WDR43: variants seen among roughly 807,000 people sequenced by gnomAD.
WDR43 encodes WD repeat-containing protein 43.
WDR43 carries 13 observed loss-of-function variants against 91.4 expected under a neutral mutation model. That is an observed-to-expected ratio of 0.14 (90% CI 0.09 to 0.23). The LOEUF (loss-of-function observed/expected upper bound fraction) is 0.23, where lower values mean the gene tolerates loss of function less well. WDR43 is among the 10% of genes least tolerant of loss of function. The probability of loss-of-function intolerance (pLI) is 1.00; values close to 1 mark genes in which losing one functional copy is unlikely to be tolerated. For synonymous variants in WDR43, 331 were observed against 287.9 expected (o/e 1.15, Z -1.51); for missense variants, 780 against 809.4 (o/e 0.96, Z 0.44).
chr2:28,904,480 A>G (rs1475037273), intron 2 of WDR43, among the ~76,000 whole-genome samples: 4 of 152,228 alleles, frequency 2.6e-5, no homozygotes, highest in African/African-American at 4.8e-5. Context: ...CCAAAAGGGT[A>G]TGCTAGTTTA....
chr2:28,912,602 C>G lies in WDR43; in HGVS notation c.498C>G (p.Gly166=), dbSNP rs6715296. 0.71 allele frequency: 1,145,243 copies of G among 1,612,358 alleles called. 408,690 individuals carry two copies. The highest frequency in any genetic ancestry group is 0.86 in the East Asian group (38,598 of 44,852). The stretch of plus-strand genomic sequence containing the variant: ...CTTCACAATATAGCAAATGGAAAGG[C>G]GACAATAGCAGTGTCAGTTCCCTAT... ...QTCKVKCKWK[G]DNSSVSSLCI... Residue 166 remains glycine, a synonymous_variant, in exon 4 of 18, where the codon GGC becomes GGG. Coordinates refer to ENST00000407426, the MANE Select transcript of WDR43 (RefSeq NM_015131.3).
At chr2:28,912,758 C>A (rs773618253) in intron 4 of WDR43, 48 bp downstream of exon 4, 2 of 1,596,000 alleles carry the variant, frequency 1.3e-6, no homozygotes, top group East Asian at 2.2e-5. Context: ...AGAGTAAACA[C>A]AGAGAAAGGC....
chr2:28,912,891 C>A (rs2148184437), intron 4 of WDR43, among the ~76,000 whole-genome samples, 181 bp downstream of exon 4: 1 of 151,242 alleles, frequency 6.6e-6, no homozygotes, highest in Non-Finnish European at 1.5e-5. Context: ...AGAGACTAGA[C>A]ATGTCTACTT....
chr2:28,910,142 A>T (rs576803850), intron 3 of WDR43, among the ~76,000 whole-genome samples: 1 of 152,170 alleles, frequency 6.6e-6, no homozygotes, highest in Non-Finnish European at 1.5e-5. Flanking sequence ...AAGTTCCCAG[A>T]TCATGCTGAT....
At chr2:28,901,378 A>G (rs555038514) in intron 1 of WDR43, among the ~76,000 whole-genome samples, 17 of 152,214 alleles carry the variant, frequency 1.1e-4, no homozygotes, top group Non-Finnish European at 2.1e-4. Context: ...GAAGTCACTG[A>G]ATCACTGAGC....
Position 28,925,047 on chromosome 2 carries a change from A to G in WDR43, c.980A>G (p.Lys327Arg). The part of the protein sequence containing the change: ...IQIATPGKGK[K>R]STPKPIPILA... ...ATAGCAACACCTGGGAAAGGCAAGA[A>G]GTCAACACCAAAACCCATCCCTATT... The change falls in exon 8 of 18, where the codon AAG becomes AGG. Residue 327 changes from lysine (K) to arginine (R), a missense_variant. Physicochemically the swap from Lys to Arg is conservative, Grantham distance 26. Transcript: ENST00000407426. 1 of 1,613,972 alleles carries G rather than the reference A, an allele frequency of 6.2e-7. No homozygotes were observed. The highest frequency in any genetic ancestry group is 8.5e-7 in the Non-Finnish European group (1 of 1,179,864).
At chr2:28,896,243 G>T (rs1054751157) in intron 1 of WDR43, among the ~76,000 whole-genome samples, 1 of 152,288 alleles carries the variant, frequency 6.6e-6, no homozygotes, top group East Asian at 1.9e-4. Context: ...AGGTAGGTGC[G>T]TGGACCCAAG....
chr2:28,914,304 G>A, intron 5 of WDR43, 96 bp downstream of exon 5: 1 of 1,354,180 alleles, frequency 7.4e-7, no homozygotes, highest in Non-Finnish European at 9.8e-7. Flanking sequence ...TTTATTTGTT[G>A]TATCTAATGT....
chr2:28,940,226 C>G lies in WDR43; in HGVS notation c.1621-1235C>G, dbSNP rs1176707660. ...GTGAGGTGGGGAAGCCAGCGTTGTT[C>G]TTTTTCTTTTTTTTTTTCTTGAGAC... is the stretch of plus-strand genomic sequence containing the variant. On this transcript the variant is annotated intron_variant, in intron 14 of 17. Coordinates refer to ENST00000407426, the MANE Select transcript of WDR43 (RefSeq NM_015131.3). 2.0e-5 allele frequency among the ~76,000 whole-genome samples: 3 copies of G among 148,946 alleles called. No homozygotes were observed. The East Asian group carries it at 6.2e-4, about 31-fold the overall frequency.
intron 6 of WDR43, among the ~76,000 whole-genome samples, chr2:28,920,260 C>G (rs1670999342): frequency 8.0e-6 from 1 of 124,502 alleles, no homozygotes; most frequent in African/African-American, 3.2e-5. Context: ...GAGTCTTGCT[C>G]TGTCACCCAG....
rs1434477236 is a variant in WDR43, at chr2:28,935,625, T to C, written c.1524+18T>C. The C allele has an allele frequency of 5.2e-6, 8 of 1,531,210 alleles. No homozygotes were observed. The South Asian group carries it at 7.5e-5, about 14-fold the overall frequency. 94.9% of individuals were successfully genotyped at this position (1,531,210 alleles called of 1,614,324 possible). Reference sequence around the variant, plus strand: ...TACAAGAGGTAACTGACTGCTTTTTTCATTTCAGCATCCTAATGCCATGAG... The same window carrying C: ...TACAAGAGGTAACTGACTGCTTTTTCCATTTCAGCATCCTAATGCCATGAG... On this transcript the variant is annotated intron_variant, in intron 12 of 17. Coordinates refer to ENST00000407426, the MANE Select transcript of WDR43 (RefSeq NM_015131.3).
intron 1 of WDR43, among the ~76,000 whole-genome samples, chr2:28,900,461 C>T (rs1343800111): frequency 3.9e-5 from 6 of 152,154 alleles, no homozygotes; most frequent in South Asian, 2.1e-4. Context: ...GGATTACAGG[C>T]GTGAGCCACC....
At chr2:28,907,093 T>C (rs2148181195) in intron 3 of WDR43, among the ~76,000 whole-genome samples, 1 of 152,282 alleles carries the variant, frequency 6.6e-6, no homozygotes, top group South Asian at 2.1e-4. Flanking sequence ...TGGCCTTGTG[T>C]CATAGATAAA....
At chr2:28,926,182 GA>G (rs201308915) in intron 8 of WDR43, among the ~76,000 whole-genome samples, 2 of 150,762 alleles carry the variant, frequency 1.3e-5, no homozygotes, top group Non-Finnish European at 3.0e-5. Flanking sequence ...AAATTCTGTT[GA>G]ACTTTAAAAA....
rs748130814 is a variant in WDR43 at position 28,925,139 on chromosome 2, A to T, written c.1072A>T (p.Thr358Ser). 4 of 1,613,342 alleles carry T rather than the reference A, an allele frequency of 2.5e-6. No homozygotes were observed. Among genetic ancestry groups the T allele is most frequent in the South Asian group, 1.1e-5 (1 of 90,952 alleles). Residue 358 changes from threonine to serine, a missense_variant, in exon 8 of 18, where the codon ACT (threonine) becomes TCT (serine). Thr to Ser is a moderately conservative substitution (Grantham distance 58, BLOSUM62 1). Around this residue, in one of 4 missense-constraint regions of WDR43, gnomAD observed 426 missense variants for 467.8 expected, o/e 0.91. Transcript: ENST00000407426. ...LLVYGSWFQP[T>S]IERVALNSRE... ...TGTATATGGCAGTTGGTTTCAGCCT[A>T]CTATTGAGCGAGTGGTACGTAGCTG...
intron 14 of WDR43, among the ~76,000 whole-genome samples, chr2:28,941,063 T>TGTACCTGGAAGA (rs1174829281): frequency 3.3e-5 from 5 of 152,178 alleles, no homozygotes; most frequent in Non-Finnish European, 5.9e-5. Flanking sequence ...GGGTAGATAA[T>TGTACCTGGAAGA]ATGCTAGCAT....
At chr2:28,942,218 C>T in intron 15 of WDR43, 94 bp from the exon 16 acceptor site, 2 of 1,216,246 alleles carry the variant, frequency 1.6e-6, no homozygotes, top group Non-Finnish European at 2.4e-6. Context: ...GGTGAGTTAG[C>T]AGCAAGCAGT....
chr2:28,927,549 T>C lies in WDR43; in HGVS notation c.1174-20T>C. The stretch of plus-strand genomic sequence containing the variant: ...AGGTATGATTTCCTTTTTCACACTT[T>C]GGCTATTCCTGTTGAACAGGTGAGG... On this transcript the variant is annotated intron_variant, in intron 9 of 17. Coordinates refer to ENST00000407426, the MANE Select transcript of WDR43 (RefSeq NM_015131.3). 1.2e-6 allele frequency: 2 copies of C among 1,612,666 alleles called. No individual in the cohort carries two copies. The highest frequency in any genetic ancestry group is 1.7e-5 in the Admixed American group (1 of 59,828).
At chr2:28,928,060 A>G (rs546145183) in intron 10 of WDR43, 77 of 210,076 alleles carry the variant, frequency 3.7e-4, no homozygotes, top group African/African-American at 1.5e-3. Context: ...TGTCTGAGCA[A>G]TCCTGGCTAA....
Sources: allele counts gnomAD v4.1 joint callset (sites outside exome capture counted in the v4.1 genomes callset), GRCh38; gene constraint gnomAD v4.1.1; regional missense constraint gnomAD v4.1.1; transcripts MANE v1.5; gene names NCBI Gene and HGNC (gene_info 2026-07-23, HGNC 2026-07-21).